The following CRADD variants were observed in gnomAD, a reference collection of about 807,000 sequenced individuals.
CRADD encodes death domain-containing protein CRADD.
In CRADD, 9 loss-of-function variants were observed where a neutral mutation model predicts 15.5. The observed-to-expected ratio is 0.58, with a 90% CI of 0.35 to 1.01. CRADD has a LOEUF of 1.01. Ranked by LOEUF, CRADD falls within the 50% of genes least tolerant of loss-of-function variation. The pLI is 0.02. For missense variants in CRADD, 227 were observed against 250.3 expected (o/e 0.91, Z 0.63); for synonymous variants, 118 against 107.6 (o/e 1.10, Z -0.60).
chr12:93,868,568 A>T (rs886578178), intron 2 of CRADD, among the ~76,000 whole-genome samples: 12 of 152,160 alleles, frequency 7.9e-5, no homozygotes, highest in African/African-American at 2.9e-4. Flanking sequence ...GTATAATTTC[A>T]TTAATGTTTA....
At chr12:93,892,907 T>C (rs993946080) in intron 2 of CRADD, among the ~76,000 whole-genome samples, 4 of 152,164 alleles carry the variant, frequency 2.6e-5, no homozygotes, top group African/African-American at 9.7e-5. Flanking sequence ...TGTTTTTGTT[T>C]TCCTTGATTA....
intron 2 of CRADD, among the ~76,000 whole-genome samples, chr12:93,753,766 C>T (rs533995908): frequency 6.6e-6 from 1 of 152,352 alleles, no homozygotes; most frequent in East Asian, 1.9e-4. Context: ...GGCAGCTCTG[C>T]CTCTGTGGCT....
At chr12:93,796,928 G>A (rs1256035090) in intron 2 of CRADD, among the ~76,000 whole-genome samples, 1 of 152,148 alleles carries the variant, frequency 6.6e-6, no homozygotes, top group Admixed American at 6.5e-5. Context: ...GCACATCCTG[G>A]TACCACCTCT....
chr12:93,871,948 A>G (rs944476345), intron 2 of CRADD, among the ~76,000 whole-genome samples: 2 of 152,190 alleles, frequency 1.3e-5, no homozygotes, highest in Admixed American at 6.5e-5. Flanking sequence ...TTGATGGATC[A>G]TATGGTAGCT....
At chr12:93,757,169 A>G (rs1462163491) in intron 2 of CRADD, among the ~76,000 whole-genome samples, 2 of 152,196 alleles carry the variant, frequency 1.3e-5, no homozygotes. Context: ...TATTATCTCA[A>G]GATCATTTGG....
intron 2 of CRADD, among the ~76,000 whole-genome samples, chr12:93,771,693 T>A (rs904914499): frequency 5.9e-5 from 9 of 152,168 alleles, no homozygotes; most frequent in African/African-American, 2.2e-4. Flanking sequence ...AACTTAGTAG[T>A]AGGGACAATC....
chr12:93,716,883 G>A lies in CRADD; in HGVS notation c.298+37811G>A, dbSNP rs186009077. Among the ~76,000 whole-genome samples, 14 of 152,234 alleles carry A rather than the reference G, an allele frequency of 9.2e-5. No individual in the cohort carries two copies. In the East Asian group the frequency reaches 2.7e-3, roughly 29 times the overall value. On this transcript the variant is annotated intron_variant, in intron 2 of 2. Coordinates refer to ENST00000332896, the MANE Select transcript of CRADD (RefSeq NM_003805.5). ...TGGACATGCATTTTCAGTTCATTTA[G>A]GTAAATATCAAGAAGCATGACTGCT...
chr12:93,838,184 C>G (rs1422399820), intron 2 of CRADD: 1 of 147,256 alleles, frequency 6.8e-6, no homozygotes, highest in Non-Finnish European at 1.5e-5. Context: ...ACAAGCAGAA[C>G]AAGGGGTTCT....
intron 2 of CRADD, among the ~76,000 whole-genome samples, chr12:93,892,116 T>C (rs989525555): frequency 2.4e-4 from 37 of 152,168 alleles, no homozygotes; most frequent in African/African-American, 8.9e-4. Context: ...CAAAGACCCC[T>C]GCTCTTCTGT....
At chr12:93,801,280 G>A (rs1021521463) in intron 2 of CRADD, among the ~76,000 whole-genome samples, 10 of 152,182 alleles carry the variant, frequency 6.6e-5, no homozygotes, top group Non-Finnish European at 1.5e-4. Flanking sequence ...AAGCAAAATG[G>A]TAGTTTCCTA....
chr12:93,849,142 C>T (rs10859601), intron 2 of CRADD: 43,544 of 152,144 alleles, frequency 0.29, 7,051 homozygotes, highest in Middle Eastern at 0.43. Flanking sequence ...TTTGGTTTAG[C>T]CTTTGTCCTC....
At chr12:93,702,997 T>C (rs17732886) in intron 2 of CRADD, among the ~76,000 whole-genome samples, 5,688 of 152,320 alleles carry the variant, frequency 0.037, 165 homozygotes, top group South Asian at 0.066. Context: ...ATGAAAGCAT[T>C]GCCATTTTAA....
chr12:93,832,315 G>A lies in CRADD; in HGVS notation c.299-17655G>A, dbSNP rs10859592. On this transcript the variant is annotated intron_variant, in intron 2 of 2. Transcript: ENST00000332896. Reference sequence around the variant, plus strand: ...GAAGGATTTTGCTTGGTAAATTTGCGTGACATCCATACTTTTTTCATTTCT... The same window carrying A: ...GAAGGATTTTGCTTGGTAAATTTGCATGACATCCATACTTTTTTCATTTCT... Among the ~76,000 whole-genome samples, 21 of 151,984 alleles carry A rather than the reference G, an allele frequency of 1.4e-4. No individual in the cohort carries two copies. In the East Asian group the frequency reaches 2.3e-3, roughly 17 times the overall value.
At chr12:93,874,114 A>G (rs1366542313) in intron 2 of CRADD, among the ~76,000 whole-genome samples, 1 of 151,944 alleles carries the variant, frequency 6.6e-6, no homozygotes, top group Non-Finnish European at 1.5e-5. Context: ...TATGGATTCT[A>G]TTTCATTACT....
chr12:93,783,234 T>TGG, intron 2 of CRADD, among the ~76,000 whole-genome samples: 1 of 63,244 alleles, frequency 1.6e-5, no homozygotes, highest in East Asian at 5.8e-4. Flanking sequence ...ATAGGTATTA[T>TGG]TATTATTATT....
intron 2 of CRADD, among the ~76,000 whole-genome samples, chr12:93,847,672 A>G (rs1958146818): frequency 6.6e-6 from 1 of 152,008 alleles, no homozygotes. Flanking sequence ...GGACTAAACA[A>G]TGGGGCAAGG....
chr12:93,890,921 G>T (rs982252633), intron 2 of CRADD, among the ~76,000 whole-genome samples: 7 of 151,404 alleles, frequency 4.6e-5, no homozygotes, highest in Non-Finnish European at 8.8e-5. Flanking sequence ...TAATTTTTTG[G>T]TATTCTTAGT....
intron 2 of CRADD, among the ~76,000 whole-genome samples, chr12:93,751,731 G>A (rs1956830734): frequency 6.6e-6 from 1 of 152,222 alleles, no homozygotes; most frequent in Non-Finnish European, 1.5e-5. Context: ...CAGGGTGGTG[G>A]TGTGTGCCTG....
At chr12:93,855,855 G>T (rs1406468814) in intron 2 of CRADD, among the ~76,000 whole-genome samples, 4 of 152,140 alleles carry the variant, frequency 2.6e-5, no homozygotes, top group Admixed American at 1.3e-4. Flanking sequence ...GTCTTGCTCT[G>T]TCGCCAGGCT....
Sources: allele counts gnomAD v4.1 joint callset (sites outside exome capture counted in the v4.1 genomes callset), GRCh38; gene constraint gnomAD v4.1.1; transcripts MANE v1.5; gene names NCBI Gene and HGNC (gene_info 2026-07-23, HGNC 2026-07-21).